AKAP10: variants seen among roughly 807,000 people sequenced by gnomAD.
The protein encoded by AKAP10 is A-kinase anchor protein 10, mitochondrial.
A neutral mutation model predicts 80.8 loss-of-function variants in AKAP10; 24 were observed. The ratio of observed to expected loss-of-function variants is 0.30; its 90% CI spans 0.22 to 0.42. The LOEUF is 0.42. Among genes scored for constraint, AKAP10 ranks in the 10% least tolerant of loss-of-function variants. The probability of loss-of-function intolerance (pLI) is 1.00; values close to 1 mark genes in which losing one functional copy is unlikely to be tolerated. For synonymous variants in AKAP10, 291 were observed against 277.7 expected (o/e 1.05, Z -0.48); for missense variants, 661 against 794.9 (o/e 0.83, Z 2.03).
At chr17:19,968,687 C>G (rs569387603) in intron 1 of AKAP10, among the ~76,000 whole-genome samples, 60 of 152,318 alleles carry the variant, frequency 3.9e-4, no homozygotes, top group African/African-American at 1.4e-3. Flanking sequence ...TATGGAGAGA[C>G]AATGTAGTCA....
Position 19,958,585 on chromosome 17 carries a change from G to A in AKAP10, c.320-14C>T, listed in dbSNP as rs1041661904. 1 of 1,571,084 alleles carries A rather than the reference G, an allele frequency of 6.4e-7. No homozygotes were observed. The highest frequency in any genetic ancestry group is 1.9e-5 in the Admixed American group (1 of 53,824). ...GACAAGATCTGCCTAAAAGATAGAA[G>A]CAAAAGAATTAGCAGTTCAGCAACA... is the stretch of plus-strand genomic sequence containing the variant. On this transcript the variant is annotated splice_polypyrimidine_tract_variant and intron_variant, in intron 3 of 14. Coordinates refer to ENST00000225737, the MANE Select transcript of AKAP10 (RefSeq NM_007202.4).
At chr17:19,958,698 A>C in intron 3 of AKAP10, 127 bp from the exon 4 acceptor site, 1 of 740,894 alleles carries the variant, frequency 1.3e-6, no homozygotes, top group East Asian at 2.8e-5. Context: ...CTAGCAACTA[A>C]AGTAAATAAA....
chr17:19,956,182 C>T (rs564992635), intron 4 of AKAP10, among the ~76,000 whole-genome samples: 1 of 152,248 alleles, frequency 6.6e-6, no homozygotes, highest in African/African-American at 2.4e-5. Context: ...TCAGTACGAG[C>T]ACCCAAGACA....
chr17:19,919,584 T>TG (rs2042787854), intron 12 of AKAP10, among the ~76,000 whole-genome samples: 1 of 151,376 alleles, frequency 6.6e-6, no homozygotes, highest in East Asian at 1.9e-4. Flanking sequence ...CTCAGGAGGA[T>TG]GAGGCAGGAA....
chr17:19,947,872 A>G (rs1261733005), intron 4 of AKAP10, among the ~76,000 whole-genome samples: 1 of 152,186 alleles, frequency 6.6e-6, no homozygotes, highest in Non-Finnish European at 1.5e-5. Context: ...CTAAAATGGA[A>G]GAATAAACAT....
At chr17:19,973,108 T>C (rs2043520463) in intron 1 of AKAP10, among the ~76,000 whole-genome samples, 1 of 151,970 alleles carries the variant, frequency 6.6e-6, no homozygotes, top group Non-Finnish European at 1.5e-5. Flanking sequence ...GCCTCCAGAG[T>C]AGCTGGAATT....
chr17:19,961,178 C>CAAAAAAAAA (rs776903538), intron 3 of AKAP10, among the ~76,000 whole-genome samples: 2 of 55,506 alleles, frequency 3.6e-5, no homozygotes, highest in East Asian at 4.4e-4. Flanking sequence ...CCCGTCTCTA[C>CAAAAAAAAA]AAAAAAAAAA....
chr17:19,937,661 T>C (rs1282103794), intron 8 of AKAP10, among the ~76,000 whole-genome samples: 1 of 152,224 alleles, frequency 6.6e-6, no homozygotes, highest in Non-Finnish European at 1.5e-5. Context: ...TGTAAACTCT[T>C]CCTATCTCAA....
At chr17:19,970,828 A>AAAAAAAAT (rs1246903705) in intron 1 of AKAP10, among the ~76,000 whole-genome samples, 1 of 149,968 alleles carries the variant, frequency 6.7e-6, no homozygotes, top group Non-Finnish European at 1.5e-5. Flanking sequence ...GTCTTAAAAA[A>AAAAAAAAT]AAAAAAATAA....
chr17:19,916,886 G>A (rs1021765208), intron 12 of AKAP10, among the ~76,000 whole-genome samples: 6 of 146,948 alleles, frequency 4.1e-5, no homozygotes, highest in African/African-American at 1.0e-4. Flanking sequence ...GCAGTGAGCC[G>A]ACATCGTGCC....
intron 9 of AKAP10, among the ~76,000 whole-genome samples, chr17:19,932,449 TAAAAAAAAAAAA>T (rs764580259): frequency 5.1e-5 from 5 of 98,788 alleles, no homozygotes; most frequent in Non-Finnish European, 8.1e-5. Context: ...CAAGACTGTC[TAAAAAAAAAAAA>T]AAAAAAAAAA....
At chr17:19,920,899 T>TAAAAAAAAAAAAAAAAAAAA (rs2042805982) in intron 11 of AKAP10, among the ~76,000 whole-genome samples, 1 of 112,804 alleles carries the variant, frequency 8.9e-6, no homozygotes, top group African/African-American at 3.6e-5. Flanking sequence ...AAAAATACAG[T>TAAAAAAAAAAAAAAAAAAAA]AAGGGTCTTA....
At chr17:19,939,414 T>C (rs2043028590) in intron 8 of AKAP10, among the ~76,000 whole-genome samples, 1 of 152,172 alleles carries the variant, frequency 6.6e-6, no homozygotes. Flanking sequence ...TTTTCTGCCT[T>C]CTCTGGGTAG....
At position 19,958,494 on chromosome 17, in the gene AKAP10, T is replaced by G. The variant is rs2043309485; in HGVS notation, c.397A>C (p.Thr133Pro). Residue 133 changes from threonine (T) to proline (P), a missense_variant, in exon 4 of 15, where the codon ACT becomes CCT. By Grantham distance (38) the Thr-to-Pro change is conservative (BLOSUM62 -1). Transcript: ENST00000225737. ...TGAATGAAGTAAGGGAGGACAATAG[T>G]GTCGTGCAAGACTTGTTCAAGGGTC... is the stretch of plus-strand genomic sequence containing the variant. Reference protein sequence around the residue: ...SKTLEQVLHDTIVLPYFIQFM... With the variant: ...SKTLEQVLHDPIVLPYFIQFM... 1 of 1,613,316 alleles carries G rather than the reference T, an allele frequency of 6.2e-7. No homozygotes were observed. The highest frequency in any genetic ancestry group is 8.5e-7 in the Non-Finnish European group (1 of 1,180,040).
intron 10 of AKAP10, among the ~76,000 whole-genome samples, chr17:19,926,926 G>A (rs1471723729): frequency 2.6e-5 from 4 of 152,058 alleles, no homozygotes; most frequent in African/African-American, 7.3e-5. Context: ...TTCAAGACCA[G>A]CCGGGTGAAC....
chr17:19,965,237 T>G (rs1338694945), intron 2 of AKAP10, among the ~76,000 whole-genome samples: 2 of 152,258 alleles, frequency 1.3e-5, no homozygotes, highest in Non-Finnish European at 2.9e-5. Context: ...CCCATTCTTT[T>G]TCACTGTTAT....
intron 10 of AKAP10, among the ~76,000 whole-genome samples, chr17:19,930,900 G>A (rs1305935761): frequency 6.6e-6 from 1 of 151,964 alleles, no homozygotes; most frequent in African/African-American, 2.4e-5. Flanking sequence ...TAGTAGAGAC[G>A]GGGTTTCACC....
At chr17:19,961,017 C>CAAAT (rs550492739) in intron 3 of AKAP10, among the ~76,000 whole-genome samples, 1 of 147,078 alleles carries the variant, frequency 6.8e-6, no homozygotes, top group African/African-American at 2.5e-5. Context: ...ACTCCGTCTA[C>CAAAT]AAATAAATAA....
chr17:19,917,126 G>A (rs1211912283), intron 12 of AKAP10, among the ~76,000 whole-genome samples: 1 of 151,448 alleles, frequency 6.6e-6, no homozygotes, highest in Non-Finnish European at 1.5e-5. Context: ...TTAGCTGGGC[G>A]TGGTGGTGGA....
Sources: gnomAD v4.1 joint callset for allele counts (sites outside exome capture counted in the v4.1 genomes callset) on GRCh38, gnomAD v4.1.1 for gene constraint, MANE v1.5 for transcripts, NCBI Gene and HGNC (gene_info 2026-07-23, HGNC 2026-07-21) for gene names.